The following PCCA variants were observed in gnomAD, a reference collection of about 807,000 sequenced individuals.
PCCA encodes propionyl-CoA carboxylase subunit alpha, also known as propionyl-CoA carboxylase alpha chain, mitochondrial.
PCCA carries 74 observed loss-of-function variants against 101.3 expected under a neutral mutation model. The observed-to-expected ratio is 0.73, with a 90% CI of 0.61 to 0.89. The LOEUF (loss-of-function observed/expected upper bound fraction) is 0.89, where lower values mean the gene tolerates loss of function less well. PCCA is among the 40% of genes least tolerant of loss of function. The pLI, the probability that PCCA is intolerant of heterozygous loss-of-function variation, is 0.00. For missense variants in PCCA, 891 were observed against 907.0 expected, an observed-to-expected ratio of 0.98 and a Z score of 0.23; for synonymous variants, 294 against 313.6, an observed-to-expected ratio of 0.94 and a Z score of 0.66.
rs140919107 is a variant in PCCA, at chr13:100,395,485, A to T, written c.1746+26911A>T. Among the ~76,000 whole-genome samples the T allele has an allele frequency of 1.5e-3, 235 of 152,334 alleles. 1 individual carries two copies. Among genetic ancestry groups the T allele is most frequent in the Admixed American group, 0.015 (226 of 15,296 alleles). ...AGCAATAATAGCAATAGGTCAGAAA[A>T]AGTTTTCACGGAAAGGGCCAATATA... On this transcript the variant is annotated intron_variant, in intron 19 of 23. Coordinates refer to ENST00000376285, the MANE Select transcript of PCCA (RefSeq NM_000282.4).
rs2078615100 is a variant in PCCA at position 100,419,628 on chromosome 13, GAC to G, written c.1747-6001_1747-6000del. Among the ~76,000 whole-genome samples, 3 of 152,370 alleles carry G rather than the reference GAC, an allele frequency of 2.0e-5. No homozygotes were observed. In the South Asian group the frequency reaches 6.2e-4, roughly 32 times the overall value. On this transcript the variant is annotated intron_variant, in intron 19 of 23. Transcript: ENST00000376285. ...TTAGAACCTGTCAGAGAAAGGAAGA[GAC>G]ACAGTTAGGGAGCTATGGAGTCGTG...
At position 100,530,218 on chromosome 13, in the gene PCCA, T is replaced by C; in HGVS notation, c.*52T>C. On this transcript the variant is annotated 3_prime_UTR_variant, in exon 24 of 24. Coordinates refer to ENST00000376285, the MANE Select transcript of PCCA (RefSeq NM_000282.4). ...CCAATTTAATTAGCCATTTGCATGA[T>C]GCTTTCACACACAATTGATTCAAGC... 1 of 1,352,480 alleles carries C rather than the reference T, an allele frequency of 7.4e-7. No homozygotes were observed. Among genetic ancestry groups the C allele is most frequent in the Non-Finnish European group, 1.1e-6 (1 of 942,400 alleles). The allele number at this position is 1,352,480 out of a possible 1,614,324, so 83.8% of individuals were successfully genotyped here.
At chr13:100,262,487 C>A (rs1262596292) in intron 9 of PCCA, among the ~76,000 whole-genome samples, 2 of 152,042 alleles carry the variant, frequency 1.3e-5, no homozygotes, top group East Asian at 3.9e-4. Flanking sequence ...ATAACTCATC[C>A]ATGGTCACAG....
At chr13:100,140,116 A>G (rs543397540) in intron 4 of PCCA, among the ~76,000 whole-genome samples, 2 of 152,280 alleles carry the variant, frequency 1.3e-5, no homozygotes, top group East Asian at 3.9e-4. Flanking sequence ...TCACTTCTCC[A>G]TGCTAGCTTC....
At chr13:100,096,938 C>T (rs2046825947) in intron 1 of PCCA, among the ~76,000 whole-genome samples, 1 of 152,116 alleles carries the variant, frequency 6.6e-6, no homozygotes, top group Non-Finnish European at 1.5e-5. Flanking sequence ...CCTGTAATCC[C>T]AGTACTTTGG....
At chr13:100,465,416 T>A (rs2082439019) in intron 21 of PCCA, among the ~76,000 whole-genome samples, 1 of 152,316 alleles carries the variant, frequency 6.6e-6, no homozygotes, top group South Asian at 2.1e-4. Context: ...AATACATACT[T>A]TTTTAAAATC....
intron 7 of PCCA, among the ~76,000 whole-genome samples, chr13:100,218,429 G>A (rs1203835895): frequency 6.7e-6 from 1 of 149,582 alleles, no homozygotes; most frequent in African/African-American, 2.5e-5. Flanking sequence ...TTATCCACCC[G>A]CCTTGGCCTC....
chr13:100,265,316 C>G (rs1237420659), intron 10 of PCCA, among the ~76,000 whole-genome samples: 1 of 152,098 alleles, frequency 6.6e-6, no homozygotes, highest in Non-Finnish European at 1.5e-5. Flanking sequence ...GAGGCAGGGT[C>G]AGAGTAATTT....
At chr13:100,351,981 C>T (rs2073321651) in intron 18 of PCCA, among the ~76,000 whole-genome samples, 1 of 151,908 alleles carries the variant, frequency 6.6e-6, no homozygotes, top group African/African-American at 2.4e-5. Flanking sequence ...AATTGTAATG[C>T]CCGGGGTAAC....
chr13:100,376,181 G>T (rs2075888301), intron 19 of PCCA, among the ~76,000 whole-genome samples: 1 of 152,232 alleles, frequency 6.6e-6, no homozygotes, highest in South Asian at 2.1e-4. Flanking sequence ...AGCAGAGGCT[G>T]CAGAACAGCA....
intron 12 of PCCA, among the ~76,000 whole-genome samples, chr13:100,296,251 T>G (rs1382533726): frequency 6.6e-6 from 1 of 151,542 alleles, no homozygotes; most frequent in Non-Finnish European, 1.5e-5. Flanking sequence ...TTATTTTTTA[T>G]TTTTTTGAGG....
Position 100,286,826 on chromosome 13 carries a change from T to C in PCCA, c.1065+13480T>C, listed in dbSNP as rs559272322. On this transcript the variant is annotated intron_variant, in intron 12 of 23. Transcript: ENST00000376285. ...TAACAGATATGATTTGTAGGTATTT[T>C]TCCTTATCTATTGCCTTTTTAACTT... 8.4e-4 allele frequency among the ~76,000 whole-genome samples: 128 copies of C among 152,228 alleles called. No homozygotes were observed. In the South Asian group the frequency reaches 0.023, roughly 27 times the overall value.
rs922002208 is a variant in PCCA at position 100,089,153 on chromosome 13, G to A, written c.33G>A (p.Leu11=). ...GGTTCTGGGTCGGGACAGCACCGCTGGTCGCTGCCGGACGGCGTGGGCGGT... is the reference window on the plus strand; with the variant it reads ...GGTTCTGGGTCGGGACAGCACCGCTAGTCGCTGCCGGACGGCGTGGGCGGT... The part of the protein sequence containing the change: MAGFWVGTAP[L]VAAGRRGRWP... The change falls in exon 1 of 24, where the codon CTG becomes CTA. Residue 11 remains leucine (L), a synonymous_variant. Transcript: ENST00000376285. 1 of 1,524,718 alleles carries A rather than the reference G, an allele frequency of 6.6e-7. No homozygotes were observed. The highest frequency in any genetic ancestry group is 8.8e-7 in the Non-Finnish European group (1 of 1,137,186). 94.4% of individuals were successfully genotyped at this position (1,524,718 alleles called of 1,614,324 possible).
intron 12 of PCCA, among the ~76,000 whole-genome samples, chr13:100,299,225 C>A (rs1029590942): frequency 1.3e-5 from 2 of 152,110 alleles, no homozygotes; most frequent in Non-Finnish European, 2.9e-5. Context: ...TGTTATATGA[C>A]TTAAGTTTAG....
chr13:100,155,112 T>A lies in PCCA; in HGVS notation c.414+20T>A. 6.9e-7 allele frequency: 1 copy of A among 1,439,160 alleles called. No homozygotes were observed. Among genetic ancestry groups the A allele is most frequent in the Non-Finnish European group, 9.8e-7 (1 of 1,020,266 alleles). The allele number at this position is 1,439,160 out of a possible 1,614,324, so 89.1% of individuals were successfully genotyped here. On this transcript the variant is annotated intron_variant, in intron 5 of 23. Coordinates refer to ENST00000376285, the MANE Select transcript of PCCA (RefSeq NM_000282.4). ...CAAGCTGTGAGTCTGAATGAATCTA[T>A]CTACTGCAGCTGTTTCATATGTAGT...
rs1435010022 is a variant in PCCA, at chr13:100,268,439, T to A, written c.820-250T>A. The A allele has an allele frequency of 5.7e-6, 3 of 523,794 alleles. No homozygotes were observed. In the African/African-American group the frequency reaches 5.7e-5, roughly 10 times the overall value. 32.4% of individuals were successfully genotyped at this position (523,794 alleles called of 1,614,324 possible). A position where few individuals can be genotyped will look rare whatever the true frequency, so the allele number is the denominator to read the frequency against. ...TGTACAACTGATTCTGATGTTTTAC[T>A]CGTTGTATTTGAAAGGTGATATGAA... is the stretch of plus-strand genomic sequence containing the variant. On this transcript the variant is annotated intron_variant, in intron 10 of 23. Coordinates refer to ENST00000376285, the MANE Select transcript of PCCA (RefSeq NM_000282.4).
intron 12 of PCCA, among the ~76,000 whole-genome samples, chr13:100,294,513 G>A (rs900434806): frequency 6.6e-6 from 1 of 151,738 alleles, no homozygotes; most frequent in Non-Finnish European, 1.5e-5. Flanking sequence ...AATATGACTG[G>A]TTCTAAAAAT....
chr13:100,431,167 G>GT (rs2079526408), intron 20 of PCCA, among the ~76,000 whole-genome samples: 2 of 152,072 alleles, frequency 1.3e-5, no homozygotes, highest in Admixed American at 1.3e-4. Context: ...TCTCATTATG[G>GT]TTTTAATGTA....
intron 23 of PCCA, among the ~76,000 whole-genome samples, chr13:100,528,690 G>A (rs2088085275): frequency 6.6e-6 from 1 of 152,248 alleles, no homozygotes; most frequent in South Asian, 2.1e-4. Context: ...GGTGTGGACA[G>A]TTGCACTGTG....
Sources: allele counts gnomAD v4.1 joint callset (sites outside exome capture counted in the v4.1 genomes callset), GRCh38; gene constraint gnomAD v4.1.1; transcripts MANE v1.5; gene names NCBI Gene and HGNC (gene_info 2026-07-23, HGNC 2026-07-21).